Variants in AGBL4 observed in about 807,000 individuals in gnomAD.
AGBL4 encodes AGBL carboxypeptidase 4.
A neutral mutation model predicts 66.4 loss-of-function variants in AGBL4; 58 were observed. That is an observed-to-expected ratio of 0.87 (90% confidence interval 0.71 to 1.09). The LOEUF (loss-of-function observed/expected upper bound fraction) is 1.09, where lower values mean the gene tolerates loss of function less well. Ranked by LOEUF, AGBL4 falls within the 50% of genes least tolerant of loss-of-function variation. AGBL4 has a pLI of 0.00. For synonymous variants in AGBL4, 234 were observed against 222.9 expected (o/e 1.05, Z -0.44); for missense variants, 579 against 631.0 (o/e 0.92, Z 0.88).
chr1:48,804,664 T>C (rs1570712854), intron 6 of AGBL4, among the ~76,000 whole-genome samples: 2 of 152,080 alleles, frequency 1.3e-5, no homozygotes, highest in South Asian at 4.2e-4. Context: ...AGCTGGGGAA[T>C]CATTCCTGGA....
intron 3 of AGBL4, among the ~76,000 whole-genome samples, chr1:49,637,670 A>G (rs887909085): frequency 6.6e-6 from 1 of 152,188 alleles, no homozygotes; most frequent in Non-Finnish European, 1.5e-5. Context: ...TTAAAAAATT[A>G]AAAAGTAGTA....
intron 4 of AGBL4, among the ~76,000 whole-genome samples, chr1:49,178,475 CT>C (rs1646870983): frequency 6.6e-6 from 1 of 152,102 alleles, no homozygotes; most frequent in Non-Finnish European, 1.5e-5. Flanking sequence ...GAATTCTGAT[CT>C]TGTACTTACC....
chr1:49,045,834 G>A (rs1471703379), intron 4 of AGBL4, 34 bp from the exon 5 acceptor site: 2 of 1,510,320 alleles, frequency 1.3e-6, no homozygotes, highest in Admixed American at 2.0e-5. Flanking sequence ...TTGGGCATAT[G>A]AGACATTCGT....
At chr1:49,938,137 G>T (rs1177162059) in intron 1 of AGBL4, among the ~76,000 whole-genome samples, 1 of 150,464 alleles carries the variant, frequency 6.6e-6, no homozygotes, top group Admixed American at 6.6e-5. Flanking sequence ...GAATCAAATA[G>T]ATGCAATAAA....
chr1:49,041,017 C>T (rs923183653), intron 5 of AGBL4, among the ~76,000 whole-genome samples: 2 of 152,072 alleles, frequency 1.3e-5, no homozygotes, highest in Admixed American at 1.3e-4. Context: ...GTTTTAAATA[C>T]ATGTTCAAAG....
chr1:49,545,630 T>C (rs543012003), intron 3 of AGBL4, among the ~76,000 whole-genome samples: 1 of 152,330 alleles, frequency 6.6e-6, no homozygotes, highest in African/African-American at 2.4e-5. Flanking sequence ...GACACATATA[T>C]CTATGGTATA....
At chr1:48,771,281 T>G (rs1170868030) in intron 6 of AGBL4, among the ~76,000 whole-genome samples, 1 of 152,194 alleles carries the variant, frequency 6.6e-6, no homozygotes, top group Non-Finnish European at 1.5e-5. Context: ...GTAGGCACAC[T>G]AGAAAGAGAA....
At chr1:49,773,268 G>A (rs1386194893) in intron 2 of AGBL4, among the ~76,000 whole-genome samples, 9 of 152,044 alleles carry the variant, frequency 5.9e-5, no homozygotes, top group South Asian at 4.2e-4. Context: ...TGTCCTTATC[G>A]TCTTGTTAGG....
At chr1:49,376,025 C>T (rs563468031) in intron 3 of AGBL4, among the ~76,000 whole-genome samples, 3 of 152,244 alleles carry the variant, frequency 2.0e-5, no homozygotes, top group African/African-American at 7.2e-5. Context: ...ATTCCTTCAG[C>T]AATGTCTGCC....
chr1:49,430,980 C>T (rs1027692499), intron 3 of AGBL4, among the ~76,000 whole-genome samples: 5 of 142,356 alleles, frequency 3.5e-5, no homozygotes, highest in Admixed American at 1.4e-4. Context: ...CACTAATTCT[C>T]ATGGCTGCAT....
chr1:49,224,574 G>A (rs998785505), intron 4 of AGBL4, among the ~76,000 whole-genome samples: 5 of 137,786 alleles, frequency 3.6e-5, no homozygotes, highest in African/African-American at 8.2e-5. Flanking sequence ...CCCAGATTGC[G>A]CCACTGCACT....
chr1:49,017,313 T>C (rs913309812), intron 5 of AGBL4, among the ~76,000 whole-genome samples: 5 of 152,186 alleles, frequency 3.3e-5, no homozygotes, highest in Non-Finnish European at 7.3e-5. Context: ...GCTTACAACT[T>C]TGAGTTTCTT....
intron 9 of AGBL4, among the ~76,000 whole-genome samples, chr1:48,592,328 CT>C (rs1419477831): frequency 6.6e-6 from 1 of 152,192 alleles, no homozygotes; most frequent in Non-Finnish European, 1.5e-5. Context: ...ATTCTCCCTC[CT>C]TGGGATGCTT....
At chr1:48,998,873 G>C (rs1661198064) in intron 5 of AGBL4, among the ~76,000 whole-genome samples, 1 of 152,122 alleles carries the variant, frequency 6.6e-6, no homozygotes, top group African/African-American at 2.4e-5. Context: ...CTGAAGGAGA[G>C]GAAGCTTAGG....
chr1:49,136,567 C>T (rs1035300732), intron 4 of AGBL4, among the ~76,000 whole-genome samples: 1 of 152,044 alleles, frequency 6.6e-6, no homozygotes, highest in Non-Finnish European at 1.5e-5. Context: ...TTTTAGATTT[C>T]TTGCTGGAAA....
chr1:49,706,457 G>T (rs1330719259), intron 2 of AGBL4, among the ~76,000 whole-genome samples: 1 of 151,754 alleles, frequency 6.6e-6, no homozygotes, highest in Non-Finnish European at 1.5e-5. Context: ...TTATTAGTCT[G>T]GCCAGCGGTC....
intron 6 of AGBL4, among the ~76,000 whole-genome samples, chr1:48,709,457 T>A (rs1043616556): frequency 6.6e-6 from 1 of 152,156 alleles, no homozygotes; most frequent in Non-Finnish European, 1.5e-5. Flanking sequence ...AAATAGTTAT[T>A]TGAGAGGCAG....
In AGBL4 at chr1:50,012,129, G is replaced by A. The variant is rs953102584; in HGVS notation, c.34+11634C>T. ...AGCGGAGATTGCGCCACTGCAGTCC[G>A]CAATCCGGCCTGGGCGACAGAGCGA... On this transcript the variant is annotated intron_variant, in intron 1 of 13. Coordinates refer to ENST00000371839, the MANE Select transcript of AGBL4 (RefSeq NM_032785.4). Among the ~76,000 whole-genome samples, 6 of 143,574 alleles carry A rather than the reference G, an allele frequency of 4.2e-5. 1 individual carries two copies. Among genetic ancestry groups the A allele is most frequent in the East Asian group, 4.1e-4 (2 of 4,834 alleles). 94.2% of individuals were successfully genotyped at this position (143,574 alleles called of 152,430 possible).
chr1:48,525,168 C>A, the AGBL4 span, among the ~76,000 whole-genome samples: 1 of 152,072 alleles, frequency 6.6e-6, no homozygotes, highest in South Asian at 2.1e-4. Flanking sequence ...CTGTTTTTGG[C>A]CCTCTCTAAA....
Sources: allele counts gnomAD v4.1 joint callset (sites outside exome capture counted in the v4.1 genomes callset), GRCh38; gene constraint gnomAD v4.1.1; transcripts MANE v1.5; gene names NCBI Gene and HGNC (gene_info 2026-07-23, HGNC 2026-07-21).